Variants in LRP1B observed in about 807,000 individuals in gnomAD.
LRP1B encodes LDL receptor related protein 1B.
A neutral mutation model predicts 556.6 loss-of-function variants in LRP1B; 217 were observed. That is an observed-to-expected ratio of 0.39 (90% CI 0.35 to 0.44). The LOEUF is 0.44. LRP1B is among the 20% of genes least tolerant of loss of function. LRP1B has a pLI of 1.00. For synonymous variants in LRP1B, 2,047 were observed against 1,865.8 expected (o/e 1.10, Z -2.50); for missense variants, 5,053 against 5,620.8 (o/e 0.90, Z 3.23).
rs1031301423 is a variant in LRP1B at position 140,601,499 on chromosome 2, T to C, written c.6940A>G (p.Met2314Val). The C allele has an allele frequency of 6.2e-7, 1 of 1,612,958 alleles. No individual in the cohort carries two copies. Among genetic ancestry groups the C allele is most frequent in the Non-Finnish European group, 8.5e-7 (1 of 1,179,286 alleles). Residue 2314 changes from methionine to valine, a missense_variant, in exon 42 of 91, where the codon ATG (methionine) becomes GTG (valine). Met to Val is a conservative substitution (Grantham distance 21). Coordinates refer to ENST00000389484, the MANE Select transcript of LRP1B (RefSeq NM_018557.3). ...ACATGTGGATGGTCATCTTCTGACATGGTGATGACAGCTTCCCTGTCAAAT... is the reference window on the plus strand; with the variant it reads ...ACATGTGGATGGTCATCTTCTGACACGGTGATGACAGCTTCCCTGTCAAAT... The part of the protein sequence containing the change: ...GAFDREAVIT[M>V]SEDDHPHVLA...
Position 141,625,051 on chromosome 2 carries a change from A to G in LRP1B, c.206-144518T>C, listed in dbSNP as rs184575575. On this transcript the variant is annotated intron_variant, in intron 2 of 90. Coordinates refer to ENST00000389484, the MANE Select transcript of LRP1B (RefSeq NM_018557.3). ...CCAAAGTGCTGGGATTACAGGCGTG[A>G]GCCACCGCACCTGGCAGGGTTGAAA... is the stretch of plus-strand genomic sequence containing the variant. 5.0e-3 allele frequency among the ~76,000 whole-genome samples: 765 copies of G among 152,334 alleles called. 11 individuals carry two copies. The highest frequency in any genetic ancestry group is 0.017 in the African/African-American group (718 of 41,574).
rs1338864694 is a variant in LRP1B at position 140,536,628 on chromosome 2, C to A, written c.7595G>T (p.Gly2532Val). 6.2e-7 allele frequency: 1 copy of A among 1,610,728 alleles called. No homozygotes were observed. Among genetic ancestry groups the A allele is most frequent in the East Asian group, 2.2e-5 (1 of 44,676 alleles). The change falls in exon 46 of 91, where the codon GGC becomes GTC. Residue 2532 changes from glycine to valine, a missense_variant. Coordinates refer to ENST00000389484, the MANE Select transcript of LRP1B (RefSeq NM_018557.3). ...TGATTTATCTTTACAGTGAGGAATGCCATCACAGGTGAGCTGGTAGTCAAT... is the reference window on the plus strand; with the variant it reads ...TGATTTATCTTTACAGTGAGGAATGACATCACAGGTGAGCTGGTAGTCAAT... ...ECIDYQLTCD[G>V]IPHCKDKSDE... is the part of the protein sequence containing the mutation.
chr2:140,900,157 G>C (rs890325278), intron 23 of LRP1B, among the ~76,000 whole-genome samples: 14 of 152,152 alleles, frequency 9.2e-5, no homozygotes, highest in African/African-American at 3.4e-4. Context: ...CATTAGGAGA[G>C]TTATCTCTGT....
intron 2 of LRP1B, among the ~76,000 whole-genome samples, chr2:141,771,195 G>C (rs1694887726): frequency 6.6e-6 from 1 of 152,160 alleles, no homozygotes; most frequent in African/African-American, 2.4e-5. Context: ...GAGCAAATAA[G>C]AAGTAACTCT....
chr2:140,870,435 GC>G (rs1377855271), intron 25 of LRP1B, among the ~76,000 whole-genome samples: 1 of 152,092 alleles, frequency 6.6e-6, no homozygotes, highest in East Asian at 1.9e-4. Flanking sequence ...GGGTATATAA[GC>G]CTCAACCATC....
intron 21 of LRP1B, among the ~76,000 whole-genome samples, chr2:140,911,575 T>C (rs531139448): frequency 7.2e-5 from 11 of 151,888 alleles, no homozygotes; most frequent in African/African-American, 2.2e-4. Context: ...CTTTCAGAAA[T>C]ATAAGCAAGC....
chr2:141,151,630 G>A (rs1701927988), intron 7 of LRP1B, among the ~76,000 whole-genome samples: 1 of 152,036 alleles, frequency 6.6e-6, no homozygotes, highest in South Asian at 2.1e-4. Flanking sequence ...TCAGTTCTGT[G>A]ATTCAATCAC....
At chr2:140,952,509 AAAC>A (rs373288563) in intron 18 of LRP1B, among the ~76,000 whole-genome samples, 171 of 152,274 alleles carry the variant, frequency 1.1e-3, no homozygotes, top group East Asian at 7.3e-3. Context: ...AAAAAGAACA[AAAC>A]AACAACAACA....
intron 2 of LRP1B, among the ~76,000 whole-genome samples, chr2:141,650,457 A>C (rs540606494): frequency 4.3e-4 from 66 of 152,244 alleles, no homozygotes; most frequent in African/African-American, 1.6e-3. Flanking sequence ...CAGCCTAAGA[A>C]CAAAGGAAAG....
In LRP1B at chr2:140,238,158, T is replaced by A; in HGVS notation, c.13554A>T (p.Pro4518=). The change falls in exon 89 of 91, where the codon CCA becomes CCT. Residue 4518 remains proline, a synonymous_variant. Transcript: ENST00000389484. ...TTATCTTAAGACATACTACCTTTGT[T>A]GGGTCTATCATAAAGCCAGGATCTA... ...GLLDPGFMID[P]TKARYIGGGP... is the part of the protein sequence containing the mutation. 1 of 1,601,392 alleles carries A rather than the reference T, an allele frequency of 6.2e-7. No individual in the cohort carries two copies. The highest frequency in any genetic ancestry group is 2.3e-5 in the East Asian group (1 of 44,434).
At chr2:141,149,364 AAT>A (rs1352355932) in intron 7 of LRP1B, among the ~76,000 whole-genome samples, 1 of 152,154 alleles carries the variant, frequency 6.6e-6, no homozygotes, top group African/African-American at 2.4e-5. Context: ...TGACATTAAG[AAT>A]ATTACGTGAA....
intron 3 of LRP1B, among the ~76,000 whole-genome samples, chr2:141,264,742 A>G (rs975033954): frequency 6.6e-6 from 1 of 152,212 alleles, no homozygotes; most frequent in African/African-American, 2.4e-5. Context: ...GGCATGAGCC[A>G]CTGCACCCTG....
At chr2:140,463,120 G>A (rs1437339011) in intron 60 of LRP1B, among the ~76,000 whole-genome samples, 24 of 152,092 alleles carry the variant, frequency 1.6e-4, no homozygotes, top group Admixed American at 1.6e-3. Flanking sequence ...ATATTAGATG[G>A]CGGTAGAAAG....
At chr2:140,438,397 G>T (rs1686281917) in intron 66 of LRP1B, among the ~76,000 whole-genome samples, 1 of 152,106 alleles carries the variant, frequency 6.6e-6, no homozygotes, top group South Asian at 2.1e-4. Context: ...AGCTATAACG[G>T]TATAGCTTAG....
chr2:141,167,591 C>T (rs929235280), intron 7 of LRP1B, among the ~76,000 whole-genome samples: 4 of 151,560 alleles, frequency 2.6e-5, no homozygotes, highest in Non-Finnish European at 5.9e-5. Context: ...AATGTATAAT[C>T]ATATAGGTGA....
At chr2:141,409,407 G>C (rs537164461) in intron 3 of LRP1B, among the ~76,000 whole-genome samples, 3 of 152,188 alleles carry the variant, frequency 2.0e-5, no homozygotes, top group African/African-American at 7.2e-5. Flanking sequence ...ACCAGTATCA[G>C]AGAATTATTA....
At chr2:140,761,918 AT>A (rs1280834164) in intron 35 of LRP1B, among the ~76,000 whole-genome samples, 1 of 152,042 alleles carries the variant, frequency 6.6e-6, no homozygotes, top group Admixed American at 6.6e-5. Context: ...AGAATAAATG[AT>A]TTTTTCTCTC....
intron 3 of LRP1B, among the ~76,000 whole-genome samples, chr2:141,281,040 C>G (rs1380002463): frequency 6.6e-6 from 1 of 151,944 alleles, no homozygotes; most frequent in Non-Finnish European, 1.5e-5. Context: ...AATGTCTAGA[C>G]AGGCCTTATC....
chr2:140,518,207 T>G (rs1414793508), intron 49 of LRP1B, among the ~76,000 whole-genome samples: 1 of 152,172 alleles, frequency 6.6e-6, no homozygotes, highest in Non-Finnish European at 1.5e-5. Flanking sequence ...TTTGTAGATG[T>G]AATTAAAGAT....
Sources: allele counts gnomAD v4.1 joint callset (sites outside exome capture counted in the v4.1 genomes callset), GRCh38; gene constraint gnomAD v4.1.1; transcripts MANE v1.5; gene names NCBI Gene and HGNC (gene_info 2026-07-23, HGNC 2026-07-21).